The following ZBBX variants were observed in gnomAD, a reference collection of about 807,000 sequenced individuals.
ZBBX encodes the protein zinc finger B-box domain containing, also known as zinc finger B-box domain-containing protein 1.
In ZBBX, 101 loss-of-function variants were observed where a neutral mutation model predicts 108.5. That is an observed-to-expected ratio of 0.93 (90% CI 0.79 to 1.10). ZBBX has a LOEUF of 1.10. Among genes scored for constraint, ZBBX ranks in the 50% least tolerant of loss-of-function variants. The probability of loss-of-function intolerance (pLI) is 0.00; values close to 1 mark genes in which losing one functional copy is unlikely to be tolerated. For synonymous variants in ZBBX, 356 were observed against 323.4 expected, an observed-to-expected ratio of 1.10 and a Z score of -1.08; for missense variants, 1,009 against 941.4, an observed-to-expected ratio of 1.07 and a Z score of -0.94.
chr3:167,376,187 G>C (rs575225718), intron 2 of ZBBX, among the ~76,000 whole-genome samples: 18 of 152,252 alleles, frequency 1.2e-4, no homozygotes, highest in African/African-American at 4.1e-4. Context: ...CTAAGATTTG[G>C]TTTGCTTTTT....
In ZBBX at chr3:167,359,895, T is replaced by G. The variant is rs1744231597; in HGVS notation, c.407A>C (p.Gln136Pro). 4 of 1,555,466 alleles carry G rather than the reference T, an allele frequency of 2.6e-6. No individual in the cohort carries two copies. The highest frequency in any genetic ancestry group is 1.8e-5 in the Admixed American group (1 of 55,836). The part of the protein sequence containing the change: ...KPKINGKVCG[Q>P]CENKAALLVC... The stretch of plus-strand genomic sequence containing the variant: ...CAGTAGAGCAGCTTTGTTCTCACAC[T>G]GTCCACATACTTTCCCATTTATCTT... Residue 136 changes from glutamine (Q) to proline (P), a missense_variant, in exon 8 of 22, where the codon CAG becomes CCG. By Grantham distance (76) the Gln-to-Pro change is moderately conservative. Coordinates refer to ENST00000675490, the MANE Select transcript of ZBBX (RefSeq NM_001199201.2).
the ZBBX span, among the ~76,000 whole-genome samples, chr3:167,183,419 A>G: frequency 1.3e-5 from 2 of 152,152 alleles, no homozygotes; most frequent in African/African-American, 4.8e-5. Flanking sequence ...TATGGGCACC[A>G]CTTGCCAAGA....
At chr3:167,187,627 G>A in the ZBBX span, among the ~76,000 whole-genome samples, 1 of 152,100 alleles carries the variant, frequency 6.6e-6, no homozygotes, top group East Asian at 1.9e-4. Context: ...AACATTATTT[G>A]GAACATTAGC....
At chr3:167,278,906 T>C (rs1728213283) in intron 20 of ZBBX, among the ~76,000 whole-genome samples, 1 of 152,030 alleles carries the variant, frequency 6.6e-6, no homozygotes, top group African/African-American at 2.4e-5. Flanking sequence ...TCCACCATGA[T>C]CAAGTGGGCT....
intron 19 of ZBBX, among the ~76,000 whole-genome samples, chr3:167,287,446 G>C (rs889011236): frequency 6.6e-6 from 1 of 152,112 alleles, no homozygotes; most frequent in East Asian, 1.9e-4. Flanking sequence ...AGGTTTCCCA[G>C]GTGATTATGC....
intron 1 of ZBBX, among the ~76,000 whole-genome samples, chr3:167,390,387 C>T (rs986175978): frequency 1.3e-5 from 2 of 151,832 alleles, no homozygotes; most frequent in East Asian, 1.9e-4. Flanking sequence ...ATACCATAGA[C>T]TTGTAGTATA....
At chr3:167,342,805 A>AT (rs1179571899) in intron 9 of ZBBX, among the ~76,000 whole-genome samples, 1 of 151,504 alleles carries the variant, frequency 6.6e-6, no homozygotes, top group African/African-American at 2.4e-5. Context: ...CCACAAAAAA[A>AT]AAAAAACAAC....
chr3:167,258,268 C>A (rs946691710), intron 20 of ZBBX, among the ~76,000 whole-genome samples: 1 of 152,022 alleles, frequency 6.6e-6, no homozygotes, highest in Non-Finnish European at 1.5e-5. Context: ...GTAGAACTAC[C>A]ATTTGATCCA....
chr3:167,389,719 C>G (rs1748031903), intron 1 of ZBBX, among the ~76,000 whole-genome samples: 1 of 152,104 alleles, frequency 6.6e-6, no homozygotes, highest in Admixed American at 6.5e-5. Flanking sequence ...TTGCATTTCT[C>G]TAATGACTAG....
At chr3:167,224,339 G>A in the ZBBX span, among the ~76,000 whole-genome samples, 3 of 151,604 alleles carry the variant, frequency 2.0e-5, no homozygotes, top group Non-Finnish European at 2.9e-5. Flanking sequence ...GCTGATCAAG[G>A]GATACAAAAT....
intron 11 of ZBBX, among the ~76,000 whole-genome samples, chr3:167,323,509 G>A (rs1214110694): frequency 6.6e-6 from 1 of 152,074 alleles, no homozygotes; most frequent in Non-Finnish European, 1.5e-5. Context: ...AGACTCTTTA[G>A]CTATATGGTG....
chr3:167,350,849 G>T lies in ZBBX; in HGVS notation c.433-334C>A, dbSNP rs139061577. 6.7e-3 allele frequency among the ~76,000 whole-genome samples: 1,023 copies of T among 152,160 alleles called. 12 individuals are homozygous for T. Among genetic ancestry groups the T allele is most frequent in the African/African-American group, 0.023 (970 of 41,524 alleles). ...TGAATAAACTATAAAACAACCAGTA[G>T]CCTCAGGTCAAACTTCTTGACCTGG... On this transcript the variant is annotated intron_variant, in intron 8 of 21. Transcript: ENST00000675490.
chr3:167,218,533 G>C, the ZBBX span, among the ~76,000 whole-genome samples: 1 of 152,090 alleles, frequency 6.6e-6, no homozygotes, highest in African/African-American at 2.4e-5. Context: ...GTTTGTTTAC[G>C]CAATCACTCT....
chr3:167,249,939 T>A (rs1377360595), intron 20 of ZBBX, among the ~76,000 whole-genome samples: 2 of 152,156 alleles, frequency 1.3e-5, no homozygotes, highest in African/African-American at 4.8e-5. Flanking sequence ...AATGGAGGGC[T>A]TACGTAGGAC....
At chr3:167,231,645 A>G in the ZBBX span, among the ~76,000 whole-genome samples, 1 of 151,830 alleles carries the variant, frequency 6.6e-6, no homozygotes. Flanking sequence ...TAAAGATATT[A>G]TTCAAAGAAA....
chr3:167,228,867 C>A, the ZBBX span, among the ~76,000 whole-genome samples: 1 of 151,758 alleles, frequency 6.6e-6, no homozygotes, highest in African/African-American at 2.4e-5. Flanking sequence ...GTTTGAACAA[C>A]ATGGGGCTGG....
chr3:167,380,540 C>G (rs1189435149), upstream of ZBBX: 2 of 152,124 alleles, frequency 1.3e-5, no homozygotes, highest in African/African-American at 2.4e-5. Context: ...ATATTCCAAG[C>G]ACAAGTGAGA....
chr3:167,313,941 G>A lies in ZBBX; in HGVS notation c.1417+33C>T, dbSNP rs1462414452. On this transcript the variant is annotated intron_variant, in intron 16 of 21. Transcript: ENST00000675490. Reference sequence around the variant, plus strand: ...CAATAGTAAATTATCAACATGCACTGTTAATAATATCCAGCAACAAGAAAA... The same window carrying A: ...CAATAGTAAATTATCAACATGCACTATTAATAATATCCAGCAACAAGAAAA... 2.5e-5 allele frequency: 38 copies of A among 1,537,674 alleles called. 1 individual carries two copies. The highest frequency in any genetic ancestry group is 3.2e-5 in the Non-Finnish European group (36 of 1,142,784).
chr3:167,195,754 A>C, the ZBBX span, among the ~76,000 whole-genome samples: 1 of 152,228 alleles, frequency 6.6e-6, no homozygotes, highest in African/African-American at 2.4e-5. Flanking sequence ...TAACGGCCTA[A>C]AGAAAGCCCC....
Sources: allele counts gnomAD v4.1 joint callset (sites outside exome capture counted in the v4.1 genomes callset), GRCh38; gene constraint gnomAD v4.1.1; transcripts MANE v1.5; gene names NCBI Gene and HGNC (gene_info 2026-07-23, HGNC 2026-07-21).